LRRTM3: variants seen among roughly 807,000 people sequenced by gnomAD.
LRRTM3 encodes leucine rich repeat transmembrane neuronal 3, also known as leucine-rich repeat transmembrane neuronal protein 3.
Under a neutral mutation model 44.7 loss-of-function variants are expected in LRRTM3, and 24 were observed. The ratio of observed to expected loss-of-function variants is 0.54; its 90% CI spans 0.39 to 0.76. The LOEUF (loss-of-function observed/expected upper bound fraction) is 0.76, where lower values mean the gene tolerates loss of function less well. Ranked by LOEUF, LRRTM3 falls within the 30% of genes least tolerant of loss-of-function variation. The pLI, the probability that LRRTM3 is intolerant of heterozygous loss-of-function variation, is 0.00. For missense variants in LRRTM3, 587 were observed against 702.2 expected (o/e 0.84, Z 1.85); for synonymous variants, 277 against 278.7 (o/e 0.99, Z 0.06).
chr10:66,936,729 T>C (rs921878261), intron 2 of LRRTM3, among the ~76,000 whole-genome samples: 1 of 152,112 alleles, frequency 6.6e-6, no homozygotes, highest in Non-Finnish European at 1.5e-5. Context: ...TTTCTCTATT[T>C]GGAAGTAGTA....
At chr10:67,080,637 T>C (rs1050954469) in intron 2 of LRRTM3, among the ~76,000 whole-genome samples, 5 of 152,108 alleles carry the variant, frequency 3.3e-5, no homozygotes, top group African/African-American at 9.7e-5. Context: ...CGGCCGGGCA[T>C]GGTGGCTCAC....
rs536871016 is a variant in LRRTM3 at position 67,053,335 on chromosome 10, C to T, written c.1537-44252C>T. ...GGACATTACTGGAAAAATCTGATTC[C>T]ATTGATCTGAGGTGAGATAGAAGAA... On this transcript the variant is annotated intron_variant, in intron 2 of 2. Transcript: ENST00000361320. Among the ~76,000 whole-genome samples the T allele has an allele frequency of 9.2e-5, 14 of 152,222 alleles. No homozygotes were observed. In the South Asian group the frequency reaches 1.5e-3, roughly 16 times the overall value.
intron 2 of LRRTM3, among the ~76,000 whole-genome samples, chr10:66,973,240 C>G (rs896096433): frequency 2.0e-5 from 3 of 151,974 alleles, no homozygotes; most frequent in African/African-American, 7.2e-5. Flanking sequence ...TGAAATAAAA[C>G]AGTATTGAGT....
At chr10:66,993,537 C>G (rs1156903312) in intron 2 of LRRTM3, among the ~76,000 whole-genome samples, 2 of 151,904 alleles carry the variant, frequency 1.3e-5, no homozygotes, top group African/African-American at 2.4e-5. Flanking sequence ...CATTTTGGAC[C>G]CTTTTCCTTC....
chr10:66,951,887 C>T (rs1374632135), intron 2 of LRRTM3, among the ~76,000 whole-genome samples: 1 of 152,140 alleles, frequency 6.6e-6, no homozygotes, highest in Non-Finnish European at 1.5e-5. Flanking sequence ...AGCCCATCTC[C>T]AAGTCCAGCC....
At chr10:66,949,846 G>A (rs1848447680) in intron 2 of LRRTM3, among the ~76,000 whole-genome samples, 1 of 152,178 alleles carries the variant, frequency 6.6e-6, no homozygotes, top group African/African-American at 2.4e-5. Context: ...AACAATGTGT[G>A]CAGAGAGGAA....
chr10:66,972,453 C>A lies in LRRTM3; in HGVS notation c.1536+44001C>A, dbSNP rs76569815. Among the ~76,000 whole-genome samples, 62 of 152,134 alleles carry A rather than the reference C, an allele frequency of 4.1e-4. 2 individuals carry two copies. The East Asian group carries it at 0.012, about 28-fold the overall frequency. On this transcript the variant is annotated intron_variant, in intron 2 of 2. Transcript: ENST00000361320. ...CTAAGGCACGCACCACTGTGCCTTGCAGAATACATTTTATTAACGTAAAAA... is the reference window on the plus strand; with the variant it reads ...CTAAGGCACGCACCACTGTGCCTTGAAGAATACATTTTATTAACGTAAAAA...
intron 2 of LRRTM3, among the ~76,000 whole-genome samples, chr10:66,983,016 G>A (rs1056981674): frequency 2.6e-5 from 4 of 152,210 alleles, no homozygotes; most frequent in African/African-American, 9.6e-5. Context: ...CTAATGAGCA[G>A]AAGGGCAGGT....
intron 2 of LRRTM3, among the ~76,000 whole-genome samples, chr10:66,935,330 GGTGAAAACTCTAGGAAGTTTACCATA>G (rs1308877424): frequency 1.3e-5 from 2 of 151,948 alleles, no homozygotes; most frequent in Admixed American, 6.6e-5. Context: ...TAGTTATAAC[GGTGAAAACTCTAGGAAGTTTACCATA>G]GTGAAAACTC....
At chr10:67,042,980 C>A (rs1254184757) in intron 2 of LRRTM3, among the ~76,000 whole-genome samples, 1 of 152,056 alleles carries the variant, frequency 6.6e-6, no homozygotes, top group African/African-American at 2.4e-5. Context: ...GGTCTCCATA[C>A]CTGAGGAATC....
chr10:67,076,339 C>G (rs1011273576), intron 2 of LRRTM3, among the ~76,000 whole-genome samples: 2 of 152,198 alleles, frequency 1.3e-5, no homozygotes, highest in Non-Finnish European at 2.9e-5. Context: ...TATGAGTAAT[C>G]ATGATCCAGT....
At position 66,927,963 on chromosome 10, in the gene LRRTM3, A is replaced by T. The variant is rs1228061621; in HGVS notation, c.1047A>T (p.Val349=). Residue 349 remains valine, a synonymous_variant, in exon 2 of 3, where the codon GTA becomes GTT. Coordinates refer to ENST00000361320, the MANE Select transcript of LRRTM3 (RefSeq NM_178011.5). The surrounding 1 kb of genome is among the most constrained non-coding windows in gnomAD (Gnocchi z 4.7). ...CCAGTCCCAAAGAGCTGCAAGGAGTAAATGTGATCGATGCAGTGAAGAACT... is the reference window on the plus strand; with the variant it reads ...CCAGTCCCAAAGAGCTGCAAGGAGTTAATGTGATCGATGCAGTGAAGAACT... ...ICASPKELQG[V]NVIDAVKNYS... is the part of the protein sequence containing the mutation. 3.8e-5 allele frequency: 62 copies of T among 1,614,118 alleles called. No homozygotes were observed. Among genetic ancestry groups the T allele is most frequent in the Non-Finnish European group, 4.6e-5 (54 of 1,180,052 alleles).
intron 2 of LRRTM3, among the ~76,000 whole-genome samples, chr10:67,022,265 A>G (rs141271780): frequency 6.6e-6 from 1 of 152,322 alleles, no homozygotes; most frequent in East Asian, 1.9e-4. Context: ...ATGAATAGTC[A>G]GTGTTAGAGA....
At chr10:67,068,821 A>C (rs1384683436) in intron 2 of LRRTM3, among the ~76,000 whole-genome samples, 1 of 152,222 alleles carries the variant, frequency 6.6e-6, no homozygotes, top group Non-Finnish European at 1.5e-5. Context: ...GCACTTTGGG[A>C]GGCTGAGGCA....
intron 2 of LRRTM3, among the ~76,000 whole-genome samples, chr10:67,028,561 G>A (rs1410960103): frequency 6.6e-6 from 1 of 150,918 alleles, no homozygotes; most frequent in African/African-American, 2.4e-5. Flanking sequence ...AAAATAGAAT[G>A]TAGTTATGTC....
At position 66,989,033 on chromosome 10, in the gene LRRTM3, A is replaced by C. The variant is rs1850890881; in HGVS notation, c.1536+60581A>C. The stretch of plus-strand genomic sequence containing the variant: ...AAAATCCCTTTTCTACCTCTCTTTT[A>C]TCAGTCTCGTTACCTCTCATAGCAA... On this transcript the variant is annotated intron_variant, in intron 2 of 2. Transcript: ENST00000361320. 2.0e-5 allele frequency among the ~76,000 whole-genome samples: 3 copies of C among 151,188 alleles called. No homozygotes were observed. In the South Asian group the frequency reaches 6.3e-4, roughly 32 times the overall value.
intron 2 of LRRTM3, among the ~76,000 whole-genome samples, chr10:66,931,195 A>AAAG (rs1211160054): frequency 6.7e-6 from 1 of 148,742 alleles, no homozygotes. Context: ...CAACAGTTAA[A>AAAG]AAAAAAAAAA....
intron 2 of LRRTM3, among the ~76,000 whole-genome samples, chr10:67,060,086 C>T (rs1028197221): frequency 6.6e-5 from 10 of 151,962 alleles, no homozygotes; most frequent in Admixed American, 3.9e-4. Flanking sequence ...GATGCCAGGG[C>T]GGGTGGATCA....
intron 2 of LRRTM3, among the ~76,000 whole-genome samples, chr10:67,004,245 T>G (rs1851846557): frequency 6.6e-6 from 1 of 152,162 alleles, no homozygotes; most frequent in African/African-American, 2.4e-5. Context: ...AGAGAAAGAT[T>G]TTTGCTTTAA....
Sources: allele counts gnomAD v4.1 joint callset (sites outside exome capture counted in the v4.1 genomes callset), GRCh38; gene constraint gnomAD v4.1.1; non-coding constraint Gnocchi (gnomAD v3.1); transcripts MANE v1.5; gene names NCBI Gene and HGNC (gene_info 2026-07-23, HGNC 2026-07-21).